OXR1: variants seen among roughly 807,000 people sequenced by gnomAD.
The protein encoded by OXR1 is oxidation resistance 1.
OXR1 carries 41 observed loss-of-function variants against 104.6 expected under a neutral mutation model. The ratio of observed to expected loss-of-function variants is 0.39; its 90% CI spans 0.31 to 0.51. OXR1 has a LOEUF of 0.51. OXR1 is among the 20% of genes least tolerant of loss of function. The pLI, the probability that OXR1 is intolerant of heterozygous loss-of-function variation, is 0.77. For missense variants in OXR1, 955 were observed against 1,031.9 expected (o/e 0.93, Z 1.02); for synonymous variants, 348 against 348.4 (o/e 1.00, Z 0.01).
intron 12 of OXR1, among the ~76,000 whole-genome samples, chr8:106,738,676 A>G (rs1463729445): frequency 6.6e-6 from 1 of 151,548 alleles, no homozygotes; most frequent in Non-Finnish European, 1.5e-5. Context: ...CCAATAGAAT[A>G]TATTGTGCAG....
intron 2 of OXR1, among the ~76,000 whole-genome samples, chr8:106,366,673 G>C (rs1816482084): frequency 6.6e-6 from 1 of 152,088 alleles, no homozygotes; most frequent in Non-Finnish European, 1.5e-5. Context: ...TTAGCTGTGA[G>C]ATAATATGAG....
At chr8:106,358,937 A>G (rs907077967) in intron 1 of OXR1, among the ~76,000 whole-genome samples, 8 of 150,100 alleles carry the variant, frequency 5.3e-5, no homozygotes, top group Admixed American at 3.4e-4. Context: ...AATTTAGTGA[A>G]TAATTTAATT....
chr8:106,275,562 T>C (rs1023944284), intron 1 of OXR1, among the ~76,000 whole-genome samples: 1 of 152,222 alleles, frequency 6.6e-6, no homozygotes, highest in African/African-American at 2.4e-5. Flanking sequence ...GCATTTTTGT[T>C]ATTTTGGGTA....
At chr8:106,302,345 G>A (rs999510524) in intron 1 of OXR1, among the ~76,000 whole-genome samples, 5 of 152,172 alleles carry the variant, frequency 3.3e-5, no homozygotes, top group Admixed American at 2.6e-4. Context: ...CACTTTGGGA[G>A]GCCGAGGCGG....
chr8:106,618,138 G>C (rs1249699796), intron 3 of OXR1: 1 of 1,535,994 alleles, frequency 6.5e-7, no homozygotes, highest in African/African-American at 1.4e-5. Flanking sequence ...TGCTAGCTGA[G>C]CAAGGTTCGA....
intron 2 of OXR1, among the ~76,000 whole-genome samples, chr8:106,364,620 T>C (rs111251154): frequency 0.17 from 3 of 18 alleles, no homozygotes; most frequent in African/African-American, 0.5. Flanking sequence ...AAAGTAATAA[T>C]TTTTTTTTAG....
intron 3 of OXR1, among the ~76,000 whole-genome samples, chr8:106,586,972 A>G (rs1239420079): frequency 6.6e-6 from 1 of 152,230 alleles, no homozygotes; most frequent in Non-Finnish European, 1.5e-5. Context: ...GAAAATTTCT[A>G]GGATTTTTGC....
rs149232124 is a variant in OXR1, at chr8:106,323,167, G to A, written c.-138-36309G>A. On this transcript the variant is annotated intron_variant, in intron 1 of 16. Transcript: ENST00000517566. ...ACAAGGCTACAGTAATGAAAACAGC[G>A]TGGTAGTGGTACAAAAATTGGCACA... is the stretch of plus-strand genomic sequence containing the variant. 2.5e-3 allele frequency among the ~76,000 whole-genome samples: 386 copies of A among 152,284 alleles called. 1 individual carries two copies. The highest frequency in any genetic ancestry group is 5.0e-3 in the Admixed American group (77 of 15,296).
chr8:106,662,500 T>C, intron 3 of OXR1, among the ~76,000 whole-genome samples: 1 of 152,178 alleles, frequency 6.6e-6, no homozygotes, highest in East Asian at 1.9e-4. Context: ...CTTTTGATAA[T>C]CATGGAAAAT....
At chr8:106,307,442 C>T (rs1258266574) in intron 1 of OXR1, among the ~76,000 whole-genome samples, 2 of 152,136 alleles carry the variant, frequency 1.3e-5, no homozygotes, top group South Asian at 2.1e-4. Flanking sequence ...CCATTGTCTT[C>T]GGGTTTCCAG....
intron 2 of OXR1, among the ~76,000 whole-genome samples, chr8:106,367,998 A>G (rs944496720): frequency 7.9e-5 from 12 of 152,146 alleles, no homozygotes; most frequent in Non-Finnish European, 1.8e-4. Context: ...GCAGGGAGGC[A>G]TGTAGGCCAA....
chr8:106,555,391 A>C (rs1269156190), intron 3 of OXR1, among the ~76,000 whole-genome samples: 1 of 152,184 alleles, frequency 6.6e-6, no homozygotes, highest in African/African-American at 2.4e-5. Context: ...TAGTATTTTA[A>C]CATTCACTCA....
intron 1 of OXR1, among the ~76,000 whole-genome samples, chr8:106,356,018 C>T (rs2130323950): frequency 6.6e-6 from 1 of 152,222 alleles, no homozygotes; most frequent in East Asian, 1.9e-4. Flanking sequence ...AAACAAAAGG[C>T]AGAAGTGTTT....
intron 1 of OXR1, among the ~76,000 whole-genome samples, chr8:106,282,504 TAAC>T (rs1373832664): frequency 1.3e-5 from 2 of 152,170 alleles, no homozygotes; most frequent in African/African-American, 4.8e-5. Context: ...CTCAAAAACT[TAAC>T]TACTAATAGC....
chr8:106,531,592 G>C (rs1814097407), intron 3 of OXR1, among the ~76,000 whole-genome samples: 2 of 152,102 alleles, frequency 1.3e-5, no homozygotes, highest in Admixed American at 6.5e-5. Flanking sequence ...CCCACAGAGA[G>C]TTGAACCTTG....
At chr8:106,449,205 T>A (rs1329445974) in intron 2 of OXR1, among the ~76,000 whole-genome samples, 7 of 152,194 alleles carry the variant, frequency 4.6e-5, no homozygotes, top group African/African-American at 7.2e-5. Flanking sequence ...CAGCTGATGT[T>A]ACCCCTCTGA....
intron 2 of OXR1, among the ~76,000 whole-genome samples, chr8:106,373,431 C>G (rs1816787591): frequency 6.6e-6 from 1 of 152,068 alleles, no homozygotes; most frequent in African/African-American, 2.4e-5. Context: ...TAACACAGTA[C>G]CCATCCAGGT....
At position 106,490,099 on chromosome 8, in the gene OXR1, G is replaced by C. The variant is rs189135504; in HGVS notation, c.24-28844G>C. 1.2e-4 allele frequency among the ~76,000 whole-genome samples: 18 copies of C among 152,244 alleles called. 1 individual carries two copies. The East Asian group carries it at 3.5e-3, about 29-fold the overall frequency. On this transcript the variant is annotated intron_variant, in intron 2 of 16. Coordinates refer to ENST00000517566, the MANE Select transcript of OXR1 (RefSeq NM_001198533.2). ...CCAAGACATTGTGTTTCAGACCACA[G>C]ATTTTTAAAAAGGAATACCTTTCCC...
intron 3 of OXR1, among the ~76,000 whole-genome samples, chr8:106,622,848 T>C (rs1821838020): frequency 6.6e-6 from 1 of 152,204 alleles, no homozygotes; most frequent in South Asian, 2.1e-4. Context: ...TTTGTCTTTT[T>C]CCCTCCATAT....
Sources: allele counts gnomAD v4.1 joint callset (sites outside exome capture counted in the v4.1 genomes callset), GRCh38; gene constraint gnomAD v4.1.1; transcripts MANE v1.5; gene names NCBI Gene and HGNC (gene_info 2026-07-23, HGNC 2026-07-21).